CADM2: variants seen among roughly 807,000 people sequenced by gnomAD.
CADM2 encodes cell adhesion molecule 2, also known as immunoglobulin superfamily member 4D.
CADM2 carries 12 observed loss-of-function variants against 49.8 expected under a neutral mutation model. That is an observed-to-expected ratio of 0.24 (90% CI 0.15 to 0.39). The LOEUF (loss-of-function observed/expected upper bound fraction) is 0.39. CADM2 is among the 10% of genes least tolerant of loss of function. The pLI is 1.00. For synonymous variants in CADM2, 214 were observed against 175.4 expected, an observed-to-expected ratio of 1.22 and a Z score of -1.74; for missense variants, 378 against 492.3, an observed-to-expected ratio of 0.77 and a Z score of 2.20.
chr3:85,310,078 A>G (rs1252358834), intron 1 of CADM2, among the ~76,000 whole-genome samples: 1 of 152,210 alleles, frequency 6.6e-6, no homozygotes, highest in East Asian at 1.9e-4. Context: ...CTTTTGGGAA[A>G]CAGAAAAGGC....
intron 3 of CADM2, among the ~76,000 whole-genome samples, chr3:85,865,671 C>A (rs934926033): frequency 1.3e-5 from 2 of 152,164 alleles, no homozygotes; most frequent in Non-Finnish European, 2.9e-5. Context: ...AAGCTTATAA[C>A]CATCTCTGTA....
chr3:85,104,059 C>T (rs1408298574), intron 1 of CADM2, among the ~76,000 whole-genome samples: 10 of 152,038 alleles, frequency 6.6e-5, no homozygotes, highest in Non-Finnish European at 7.4e-5. Context: ...TAATTAGATC[C>T]CATTTGTCAA....
At chr3:85,666,350 A>T (rs148070506) in intron 1 of CADM2, among the ~76,000 whole-genome samples, 3 of 152,034 alleles carry the variant, frequency 2.0e-5, no homozygotes, top group African/African-American at 7.2e-5. Context: ...GACATCCTGG[A>T]ACCACAACAT....
At chr3:85,057,686 G>A (rs938376916) in intron 1 of CADM2, among the ~76,000 whole-genome samples, 5 of 152,124 alleles carry the variant, frequency 3.3e-5, no homozygotes, top group Non-Finnish European at 5.9e-5. Flanking sequence ...AACAGTAGCA[G>A]AAAATGTAGC....
chr3:85,187,467 T>C (rs537650208), intron 1 of CADM2, among the ~76,000 whole-genome samples: 60 of 152,248 alleles, frequency 3.9e-4, no homozygotes, highest in Non-Finnish European at 6.5e-4. Context: ...ATGGCTATAC[T>C]AAACAATAAA....
chr3:85,583,617 T>A (rs1473953155), intron 1 of CADM2, among the ~76,000 whole-genome samples: 1 of 152,124 alleles, frequency 6.6e-6, no homozygotes, highest in Non-Finnish European at 1.5e-5. Flanking sequence ...AGATGTTTAT[T>A]TTTAAATACA....
chr3:85,926,137 A>AAAATAAATAAAT lies in CADM2; in HGVS notation c.701-9600_701-9589dup, dbSNP rs6147941. 5.2e-3 allele frequency among the ~76,000 whole-genome samples: 742 copies of AAAATAAATAAAT among 143,596 alleles called. 1 individual carries two copies. The highest frequency in any genetic ancestry group is 8.7e-3 in the African/African-American group (342 of 39,088). 94.2% of individuals were successfully genotyped at this position (143,596 alleles called of 152,430 possible). ...GACGACAGAGTGAGGCTCTGTCTCAAAAATAAATAAATAAATAAATAAATA... is the reference window on the plus strand; with the variant it reads ...GACGACAGAGTGAGGCTCTGTCTCAAAAATAAATAAATAAATAAATAAATAAATAAATAAATA... On this transcript the variant is annotated intron_variant, in intron 6 of 9. Transcript: ENST00000383699.
intron 1 of CADM2, among the ~76,000 whole-genome samples, chr3:85,639,723 G>T (rs2064646535): frequency 1.3e-5 from 2 of 152,038 alleles, no homozygotes; most frequent in Non-Finnish European, 2.9e-5. Context: ...CTAATACGAA[G>T]GCAAATAGTG....
chr3:86,013,178 C>T, intron 8 of CADM2: 1 of 1,361,176 alleles, frequency 7.3e-7, no homozygotes, highest in South Asian at 1.2e-5. Flanking sequence ...AAGACGAAAT[C>T]AGGACTGAAA....
At chr3:85,290,346 G>T (rs925761454) in intron 1 of CADM2, among the ~76,000 whole-genome samples, 11 of 152,256 alleles carry the variant, frequency 7.2e-5, no homozygotes, top group Admixed American at 5.9e-4. Flanking sequence ...CTGCAAGGCC[G>T]CAGCAAGGCT....
chr3:85,762,409 A>G (rs997063656), intron 2 of CADM2, among the ~76,000 whole-genome samples: 7 of 152,032 alleles, frequency 4.6e-5, no homozygotes, highest in Non-Finnish European at 1.0e-4. Flanking sequence ...CAAATTTGAG[A>G]TATTTCTCAT....
intron 1 of CADM2, among the ~76,000 whole-genome samples, chr3:85,421,686 T>A (rs1559831632): frequency 6.6e-6 from 1 of 152,230 alleles, no homozygotes; most frequent in Non-Finnish European, 1.5e-5. Flanking sequence ...TGTACAGTAC[T>A]GTGTTTTGCT....
chr3:85,528,598 C>A (rs968872714), intron 1 of CADM2, among the ~76,000 whole-genome samples: 1 of 152,174 alleles, frequency 6.6e-6, no homozygotes, highest in Non-Finnish European at 1.5e-5. Flanking sequence ...ATAAGTCTGG[C>A]ATGTAATATT....
At chr3:85,779,148 T>C (rs2070504312) in intron 2 of CADM2, among the ~76,000 whole-genome samples, 1 of 152,078 alleles carries the variant, frequency 6.6e-6, no homozygotes, top group Non-Finnish European at 1.5e-5. Context: ...TGAGTCTCTA[T>C]GGGGCATATT....
intron 1 of CADM2, among the ~76,000 whole-genome samples, chr3:85,342,288 A>C (rs1576380223): frequency 6.6e-6 from 1 of 152,116 alleles, no homozygotes; most frequent in Non-Finnish European, 1.5e-5. Context: ...GCCATGAGAA[A>C]AAATGCATTA....
At chr3:85,149,707 A>C (rs2039862984) in intron 1 of CADM2, among the ~76,000 whole-genome samples, 1 of 152,232 alleles carries the variant, frequency 6.6e-6, no homozygotes, top group Admixed American at 6.5e-5. Context: ...AGCCTGGGCA[A>C]CAGAGCGAGA....
chr3:85,411,887 G>T (rs1045629202), intron 1 of CADM2, among the ~76,000 whole-genome samples: 3 of 152,170 alleles, frequency 2.0e-5, no homozygotes, highest in South Asian at 2.1e-4. Flanking sequence ...ACCCAAGCTG[G>T]AGTGATCTCA....
intron 3 of CADM2, among the ~76,000 whole-genome samples, chr3:85,859,787 A>G (rs2075453820): frequency 6.6e-6 from 1 of 152,128 alleles, no homozygotes. Flanking sequence ...TCCTTATGTC[A>G]GTCTTTATGT....
At chr3:85,724,725 G>C (rs545873979) in intron 1 of CADM2, among the ~76,000 whole-genome samples, 2 of 151,488 alleles carry the variant, frequency 1.3e-5, no homozygotes, top group Non-Finnish European at 3.0e-5. Flanking sequence ...ATTTTTTATC[G>C]TTAAGAAATT....
Sources: allele counts gnomAD v4.1 joint callset (sites outside exome capture counted in the v4.1 genomes callset), GRCh38; gene constraint gnomAD v4.1.1; transcripts MANE v1.5; gene names NCBI Gene and HGNC (gene_info 2026-07-23, HGNC 2026-07-21).